SAMD12: variants seen among roughly 807,000 people sequenced by gnomAD.
SAMD12 encodes sterile alpha motif domain-containing protein 12.
SAMD12 carries 9 observed loss-of-function variants against 15.0 expected under a neutral mutation model. The ratio of observed to expected loss-of-function variants is 0.60; its 90% confidence interval spans 0.36 to 1.05. The LOEUF (loss-of-function observed/expected upper bound fraction) is 1.05. Among genes scored for constraint, SAMD12 ranks in the 50% least tolerant of loss-of-function variants. The pLI is 0.01. For missense variants in SAMD12, 230 were observed against 234.2 expected, an observed-to-expected ratio of 0.98 and a Z score of 0.12; for synonymous variants, 86 against 90.1, an observed-to-expected ratio of 0.96 and a Z score of 0.25.
At chr8:118,517,154 G>C (rs561438145) in intron 2 of SAMD12, among the ~76,000 whole-genome samples, 3 of 152,126 alleles carry the variant, frequency 2.0e-5, no homozygotes, top group Admixed American at 6.5e-5. Flanking sequence ...TAGCTCAAAG[G>C]GGGTATAAGA....
intron 4 of SAMD12, among the ~76,000 whole-genome samples, chr8:118,293,228 C>A (rs1265269661): frequency 6.6e-6 from 1 of 152,096 alleles, no homozygotes; most frequent in African/African-American, 2.4e-5. Flanking sequence ...TTACCCAGAC[C>A]TAGTCCCCTA....
chr8:118,360,700 A>G (rs1489349409), intron 4 of SAMD12, among the ~76,000 whole-genome samples: 1 of 152,222 alleles, frequency 6.6e-6, no homozygotes, highest in African/African-American at 2.4e-5. Context: ...GTTCACATTT[A>G]TGGTTGTGAG....
chr8:118,312,603 C>G (rs1815686269), intron 4 of SAMD12, among the ~76,000 whole-genome samples: 1 of 152,212 alleles, frequency 6.6e-6, no homozygotes, highest in African/African-American at 2.4e-5. Context: ...GTTCTACCAT[C>G]CCCACCATGG....
intron 4 of SAMD12, among the ~76,000 whole-genome samples, chr8:118,369,431 G>A (rs900203484): frequency 2.0e-5 from 3 of 152,126 alleles, no homozygotes; most frequent in African/African-American, 7.2e-5. Context: ...AAACTTGAAC[G>A]TAGGCCAGGC....
intron 4 of SAMD12, among the ~76,000 whole-genome samples, chr8:118,268,078 C>G (rs566888836): frequency 1.3e-5 from 2 of 152,166 alleles, no homozygotes; most frequent in African/African-American, 4.8e-5. Context: ...GGCAACAGAG[C>G]AAGGCTTCAT....
chr8:118,164,659 A>T, the SAMD12 span, among the ~76,000 whole-genome samples: 91 of 151,998 alleles, frequency 6.0e-4, no homozygotes, highest in Non-Finnish European at 1.2e-3. Context: ...ACCAGGGCTC[A>T]TGTCTCTGCT....
chr8:118,263,841 G>T (rs1190149223), intron 4 of SAMD12, among the ~76,000 whole-genome samples: 1 of 152,034 alleles, frequency 6.6e-6, no homozygotes, highest in African/African-American at 2.4e-5. Flanking sequence ...TGGAAATGGT[G>T]CTCTCAGTCA....
intron 4 of SAMD12, among the ~76,000 whole-genome samples, chr8:118,321,909 A>G (rs928107418): frequency 3.3e-5 from 5 of 152,314 alleles, no homozygotes; most frequent in African/African-American, 1.2e-4. Context: ...TAACTTGAAC[A>G]CTTTCTACTC....
At chr8:118,483,975 A>T (rs930610492) in intron 2 of SAMD12, among the ~76,000 whole-genome samples, 2 of 152,226 alleles carry the variant, frequency 1.3e-5, no homozygotes, top group African/African-American at 4.8e-5. Flanking sequence ...CACAACAAGA[A>T]ACTAAACTGA....
chr8:118,283,000 C>T (rs182916819), intron 4 of SAMD12, among the ~76,000 whole-genome samples: 18 of 152,082 alleles, frequency 1.2e-4, no homozygotes, highest in African/African-American at 3.1e-4. Context: ...AGAAAAATTC[C>T]GATGGGCCTA....
At chr8:118,415,876 G>T (rs966801097) in intron 3 of SAMD12, among the ~76,000 whole-genome samples, 1 of 152,190 alleles carries the variant, frequency 6.6e-6, no homozygotes, top group Non-Finnish European at 1.5e-5. Context: ...ACTGAAGAGA[G>T]GGTTTCAACA....
rs117558727 is a variant in SAMD12, at chr8:118,289,659, G to A, written c.433+89901C>T. On this transcript the variant is annotated intron_variant, in intron 4 of 4. Transcript: ENST00000409003. Reference sequence around the variant, plus strand: ...AGTGCTAACCAGAATCAGGGCTGCTGACACTCTACTTAAGTTGTTGCCACC... The same window carrying A: ...AGTGCTAACCAGAATCAGGGCTGCTAACACTCTACTTAAGTTGTTGCCACC... 3.3e-3 allele frequency among the ~76,000 whole-genome samples: 502 copies of A among 152,322 alleles called. 1 individual carries two copies. Among genetic ancestry groups the A allele is most frequent in the Non-Finnish European group, 5.7e-3 (389 of 68,034 alleles).
At position 118,505,333 on chromosome 8, in the gene SAMD12, G is replaced by T. The variant is rs558404987; in HGVS notation, c.193-65372C>A. Among the ~76,000 whole-genome samples the T allele has an allele frequency of 6.9e-5, 10 of 145,906 alleles. No individual in the cohort carries two copies. The South Asian group carries it at 2.2e-3, about 32-fold the overall frequency. ...TAGTATCTATTGTCTCCTTTCTTAT[G>T]GGCAGAGCTCTTTTTTTTTTTTTTT... On this transcript the variant is annotated intron_variant, in intron 2 of 3. Transcript: ENST00000314727.
At chr8:118,306,900 T>C (rs988620677) in intron 4 of SAMD12, among the ~76,000 whole-genome samples, 2 of 152,194 alleles carry the variant, frequency 1.3e-5, no homozygotes, top group African/African-American at 4.8e-5. Flanking sequence ...TCCTCATCTG[T>C]GAAGCTTTCA....
intron 2 of SAMD12, among the ~76,000 whole-genome samples, chr8:118,529,556 C>T (rs537651851): frequency 6.6e-6 from 1 of 152,274 alleles, no homozygotes; most frequent in South Asian, 2.1e-4. Context: ...TACCCTCCTA[C>T]CCCTTGGAGT....
At chr8:118,391,211 C>A (rs775950652) in intron 3 of SAMD12, among the ~76,000 whole-genome samples, 1 of 152,122 alleles carries the variant, frequency 6.6e-6, no homozygotes, top group Non-Finnish European at 1.5e-5. Context: ...AATTACTTGC[C>A]TTGTACCTCA....
chr8:118,358,276 G>A (rs530756868), intron 4 of SAMD12, among the ~76,000 whole-genome samples: 1 of 152,200 alleles, frequency 6.6e-6, no homozygotes, highest in African/African-American at 2.4e-5. Flanking sequence ...ACCACTTAAA[G>A]GTAACTATTA....
chr8:118,258,857 GTTGAGAA>G (rs1257673346), intron 4 of SAMD12, among the ~76,000 whole-genome samples: 1 of 152,114 alleles, frequency 6.6e-6, no homozygotes, highest in Non-Finnish European at 1.5e-5. Context: ...GAGGAAAGGA[GTTGAGAA>G]TTGAGAAATG....
intron 2 of SAMD12, among the ~76,000 whole-genome samples, chr8:118,528,752 G>A (rs1343066457): frequency 1.3e-5 from 2 of 152,142 alleles, no homozygotes; most frequent in African/African-American, 4.8e-5. Context: ...GTATTTCTGT[G>A]CAACAGGGGC....
Sources: allele counts gnomAD v4.1 joint callset (sites outside exome capture counted in the v4.1 genomes callset), GRCh38; gene constraint gnomAD v4.1.1; transcripts MANE v1.5; gene names NCBI Gene and HGNC (gene_info 2026-07-23, HGNC 2026-07-21).